WDR62: variants seen among roughly 807,000 people sequenced by gnomAD.
The protein encoded by WDR62 is WD repeat domain 62.
WDR62 carries 112 observed loss-of-function variants against 160.6 expected under a neutral mutation model. The ratio of observed to expected loss-of-function variants is 0.70; its 90% confidence interval spans 0.60 to 0.82. WDR62 has a LOEUF of 0.82. Among genes scored for constraint, WDR62 ranks in the 40% least tolerant of loss-of-function variants. WDR62 has a pLI of 0.00. For synonymous variants in WDR62, 792 were observed against 815.1 expected (o/e 0.97, Z 0.48); for missense variants, 1,819 against 1,983.8 (o/e 0.92, Z 1.58).
At chr19:36,103,293 T>C in intron 29 of WDR62, 50 bp from the exon 30 acceptor site, 1 of 1,612,540 alleles carries the variant, frequency 6.2e-7, no homozygotes, top group Non-Finnish European at 8.5e-7. Flanking sequence ...GTGGGGGCCC[T>C]AGCCATCAGT....
intron 13 of WDR62, among the ~76,000 whole-genome samples, chr19:36,088,600 G>T (rs2145762534): frequency 6.6e-6 from 1 of 152,344 alleles, no homozygotes; most frequent in African/African-American, 2.4e-5. Flanking sequence ...GGGATGGGTG[G>T]TGAGCATTCA....
In WDR62 at chr19:36,103,847, A is replaced by G; in HGVS notation, c.4019A>G (p.His1340Arg). 6.2e-7 allele frequency: 1 copy of G among 1,604,566 alleles called. No individual in the cohort carries two copies. Among genetic ancestry groups the G allele is most frequent in the Non-Finnish European group, 8.5e-7 (1 of 1,179,724 alleles). Residue 1340 changes from histidine (H) to arginine (R), a missense_variant, in exon 30 of 32, where the codon CAC becomes CGC. Physicochemically the swap from His to Arg is conservative, Grantham distance 29. Around this residue, in one of 3 missense-constraint regions of WDR62, gnomAD observed 770 missense variants for 734.2 expected, o/e 1.05. Coordinates refer to ENST00000401500, the MANE Select transcript of WDR62 (RefSeq NM_001083961.2). ...SPVEESALRL[H>R]GSAFRPSLPA... ...GTGGAAGAGAGCGCCCTGAGGCTCC[A>G]CGGCTCTGCCTTTCGCCCAAGTCTC...
intron 10 of WDR62, 64 bp from the exon 11 acceptor site, chr19:36,082,999 G>T: frequency 6.8e-7 from 1 of 1,461,074 alleles, no homozygotes; most frequent in East Asian, 2.4e-5. Context: ...TGGCTATGGA[G>T]GGACACGATT....
intron 15 of WDR62, among the ~76,000 whole-genome samples, 156 bp from the exon 16 acceptor site, chr19:36,090,289 T>C (rs1262252458): frequency 1.3e-5 from 2 of 151,968 alleles, no homozygotes; most frequent in Non-Finnish European, 2.9e-5. Flanking sequence ...CAGGACAACC[T>C]CAGCTTGAGA....
intron 26 of WDR62, 145 bp downstream of exon 26, chr19:36,102,296 C>T (rs1973408747): frequency 1.6e-6 from 2 of 1,227,534 alleles, no homozygotes; most frequent in Admixed American, 1.8e-5. Context: ...GAGTCTCGCT[C>T]TGTTGCCAGG....
chr19:36,108,336 C>T (rs528442107), downstream of WDR62, among the ~76,000 whole-genome samples: 18 of 152,200 alleles, frequency 1.2e-4, no homozygotes, highest in East Asian at 3.3e-3. Flanking sequence ...GGAAGGAAAA[C>T]AGTTCATCTT....
intron 21 of WDR62, 39 bp from the exon 22 acceptor site, chr19:36,099,360 G>A (rs1328383177): frequency 1.3e-6 from 2 of 1,574,756 alleles, no homozygotes; most frequent in Non-Finnish European, 1.7e-6. Context: ...CAGTGAGTGA[G>A]CACTCAGCCA....
At chr19:36,109,318 C>T (rs1262481998), downstream of WDR62, among the ~76,000 whole-genome samples, 1 of 152,196 alleles carries the variant, frequency 6.6e-6, no homozygotes, top group African/African-American at 2.4e-5. Flanking sequence ...CTCTTTTCCC[C>T]ATCATGGCTG....
In WDR62 at chr19:36,102,159, C is replaced by T. The variant is rs374931139; in HGVS notation, c.3220+8C>T. 1.0e-4 allele frequency: 161 copies of T among 1,613,642 alleles called. No individual in the cohort carries two copies. The highest frequency in any genetic ancestry group is 1.3e-4 in the Non-Finnish European group (154 of 1,180,038). On this transcript the variant is annotated splice_region_variant and intron_variant, in intron 26 of 31. Coordinates refer to ENST00000401500, the MANE Select transcript of WDR62 (RefSeq NM_001083961.2). ...CTGAGTCCCCCTGCAGAGGTAGGGCCCTGCCTCACCCACACCTGCCGAGGC... is the reference window on the plus strand; with the variant it reads ...CTGAGTCCCCCTGCAGAGGTAGGGCTCTGCCTCACCCACACCTGCCGAGGC...
At chr19:36,097,370 G>A (rs1038264169) in intron 21 of WDR62, among the ~76,000 whole-genome samples, 28 of 152,218 alleles carry the variant, frequency 1.8e-4, no homozygotes, top group African/African-American at 6.3e-4. Context: ...AGTAAATGAC[G>A]TAGTAGGTTG....
chr19:36,072,717 C>A (rs1310145792), intron 8 of WDR62, among the ~76,000 whole-genome samples: 1 of 152,152 alleles, frequency 6.6e-6, no homozygotes, highest in East Asian at 1.9e-4. Flanking sequence ...AACCCACAGG[C>A]AGTGTTGTGT....
intron 9 of WDR62, among the ~76,000 whole-genome samples, chr19:36,080,513 G>A (rs192907683): frequency 1.3e-5 from 2 of 151,430 alleles, no homozygotes; most frequent in African/African-American, 2.4e-5. Flanking sequence ...TGCAACCTCC[G>A]CCTCCCAGGT....
At chr19:36,057,513 T>G (rs1336492359) in intron 1 of WDR62, among the ~76,000 whole-genome samples, 3 of 123,494 alleles carry the variant, frequency 2.4e-5, no homozygotes, top group Admixed American at 2.3e-4. Flanking sequence ...TCCTCAACTG[T>G]TTTGTTCCTT....
chr19:36,097,459 T>A (rs1973043797), intron 21 of WDR62, among the ~76,000 whole-genome samples: 1 of 152,218 alleles, frequency 6.6e-6, no homozygotes, highest in African/African-American at 2.4e-5. Flanking sequence ...GTGTCTGTGG[T>A]CCCAGCTACT....
At chr19:36,096,490 G>C (rs1972964616) in intron 20 of WDR62, among the ~76,000 whole-genome samples, 1 of 152,090 alleles carries the variant, frequency 6.6e-6, no homozygotes, top group Non-Finnish European at 1.5e-5. Context: ...CGGATCACGA[G>C]TTCAGGAGAT....
rs938990309 is a variant in WDR62, at chr19:36,066,527, T to C, written c.561+100T>C. On this transcript the variant is annotated intron_variant, in intron 5 of 31. Coordinates refer to ENST00000401500, the MANE Select transcript of WDR62 (RefSeq NM_001083961.2). ...TACATGAGAGGACGCAGTAAAGTGC[T>C]CACTCACCCAACAGATAACAGCTAT... is the stretch of plus-strand genomic sequence containing the variant. 1.5e-5 allele frequency: 20 copies of C among 1,348,974 alleles called. No individual in the cohort carries two copies. The African/African-American group carries it at 2.7e-4, about 18-fold the overall frequency. 83.6% of individuals were successfully genotyped at this position (1,348,974 alleles called of 1,614,324 possible). A position where few individuals can be genotyped will look rare whatever the true frequency, so the allele number is the denominator to read the frequency against.
rs538537682 is a variant in WDR62 at position 36,085,125 on chromosome 19, A to G, written c.1642+381A>G. 6.0e-4 allele frequency among the ~76,000 whole-genome samples: 91 copies of G among 150,544 alleles called. 2 individuals carry two copies. In the South Asian group the frequency reaches 0.018, roughly 30 times the overall value. On this transcript the variant is annotated intron_variant, in intron 12 of 31. Transcript: ENST00000401500. The stretch of plus-strand genomic sequence containing the variant: ...CCATAGGCTTCACCCAAATTCCTCA[A>G]TTTTTTTTTTGAGATGGAGTCTTGC...
At chr19:36,061,693 G>A (rs184573975) in intron 3 of WDR62, 1 of 152,272 alleles carries the variant, frequency 6.6e-6, no homozygotes, top group East Asian at 1.9e-4. Context: ...CCACCAGTGG[G>A]TGTGCATTAG....
At chr19:36,068,432 A>T (rs1003515295) in intron 7 of WDR62, among the ~76,000 whole-genome samples, 8 of 152,038 alleles carry the variant, frequency 5.3e-5, no homozygotes, top group Admixed American at 2.0e-4. Flanking sequence ...TCTTAGGACA[A>T]TAGTGGAGGG....
Sources: allele counts gnomAD v4.1 joint callset (sites outside exome capture counted in the v4.1 genomes callset), GRCh38; gene constraint gnomAD v4.1.1; regional missense constraint gnomAD v4.1.1; transcripts MANE v1.5; gene names NCBI Gene and HGNC (gene_info 2026-07-23, HGNC 2026-07-21).